The following NCOA1 variants were observed in gnomAD, a reference collection of about 807,000 sequenced individuals.
The protein encoded by NCOA1 is Hin-2 protein.
In NCOA1, 35 loss-of-function variants were observed where a neutral mutation model predicts 150.9. That is an observed-to-expected ratio of 0.23 (90% CI 0.18 to 0.31). The LOEUF is 0.31. Among genes scored for constraint, NCOA1 ranks in the 10% least tolerant of loss-of-function variants. The pLI, the probability that NCOA1 is intolerant of heterozygous loss-of-function variation, is 1.00. For missense variants in NCOA1, 1,491 were observed against 1,749.3 expected (o/e 0.85, Z 2.63); for synonymous variants, 590 against 630.0 (o/e 0.94, Z 0.95).
At chr2:24,500,126 G>T (rs1237149086) in intron 1 of NCOA1, among the ~76,000 whole-genome samples, 1 of 150,840 alleles carries the variant, frequency 6.6e-6, no homozygotes, top group Non-Finnish European at 1.5e-5. Flanking sequence ...CTTTTTTTTT[G>T]AGAAGGAGTT....
chr2:24,672,316 C>T (rs1396877950), intron 6 of NCOA1, among the ~76,000 whole-genome samples: 2 of 152,120 alleles, frequency 1.3e-5, no homozygotes, highest in African/African-American at 2.4e-5. Context: ...AGGCAAATGA[C>T]GTTAACATCT....
intron 21 of NCOA1, among the ~76,000 whole-genome samples, chr2:24,762,002 A>T (rs1664815266): frequency 6.6e-6 from 1 of 152,174 alleles, no homozygotes; most frequent in Non-Finnish European, 1.5e-5. Context: ...TGAGCTTCAG[A>T]CTTGAGGGCC....
At chr2:24,515,790 C>T (rs1664137506) in intron 1 of NCOA1, among the ~76,000 whole-genome samples, 2 of 152,162 alleles carry the variant, frequency 1.3e-5, no homozygotes, top group Admixed American at 1.3e-4. Flanking sequence ...GTAATACTAT[C>T]CCTAAACAAA....
chr2:24,605,623 A>G (rs1171421680), intron 3 of NCOA1, among the ~76,000 whole-genome samples: 2 of 152,172 alleles, frequency 1.3e-5, no homozygotes, highest in Admixed American at 6.5e-5. Flanking sequence ...TGCATATTCA[A>G]TTTCAGATAA....
intron 14 of NCOA1, among the ~76,000 whole-genome samples, chr2:24,723,250 A>C (rs1171109589): frequency 6.6e-6 from 1 of 152,146 alleles, no homozygotes; most frequent in Non-Finnish European, 1.5e-5. Context: ...TTTTCACTTA[A>C]TGTTCTATGG....
intron 1 of NCOA1, among the ~76,000 whole-genome samples, chr2:24,563,149 G>T (rs1429302662): frequency 6.6e-6 from 1 of 152,232 alleles, no homozygotes; most frequent in African/African-American, 2.4e-5. Context: ...TGATGAGAAT[G>T]TAGAGATGAT....
At chr2:24,741,405 C>CT in intron 18 of NCOA1, among the ~76,000 whole-genome samples, 2 of 152,264 alleles carry the variant, frequency 1.3e-5, no homozygotes, top group Middle Eastern at 6.8e-3. Context: ...AGCACATTTT[C>CT]TTTCACTTCC....
At position 24,728,465 on chromosome 2, in the gene NCOA1, A is replaced by C; in HGVS notation, c.2875A>C (p.Lys959Gln). 6.2e-7 allele frequency: 1 copy of C among 1,611,768 alleles called. No homozygotes were observed. The highest frequency in any genetic ancestry group is 1.7e-5 in the Admixed American group (1 of 59,512). The change falls in exon 16 of 23, where the codon AAA (lysine) becomes CAA (glutamine). Residue 959 changes from lysine to glutamine, a missense_variant. Physicochemically the swap from Lys to Gln is moderately conservative, Grantham distance 53. This residue lies in a region of NCOA1 where 485 missense variants were observed against 522.8 expected (regional missense o/e 0.93). Transcript: ENST00000348332. ...ACTAGACAGAGCTCTGGGAATTGAC[A>C]AACTTGTTCAGGTATTTATTAAAGT... is the stretch of plus-strand genomic sequence containing the variant. ...AELDRALGID[K>Q]LVQGGGLDVL... is the part of the protein sequence containing the mutation.
intron 10 of NCOA1, among the ~76,000 whole-genome samples, chr2:24,695,475 T>C (rs1474136346): frequency 6.6e-6 from 1 of 152,158 alleles, no homozygotes; most frequent in African/African-American, 2.4e-5. Flanking sequence ...CACTATACTG[T>C]ACACAGTTAT....
At chr2:24,762,587 C>T in intron 21 of NCOA1, 100 bp from the exon 22 acceptor site, 2 of 994,558 alleles carry the variant, frequency 2.0e-6, no homozygotes, top group Non-Finnish European at 3.1e-6. Flanking sequence ...TTGCTGTGCT[C>T]CTATTACTTT....
At chr2:24,745,324 G>A (rs560529958) in intron 19 of NCOA1, among the ~76,000 whole-genome samples, 2 of 151,940 alleles carry the variant, frequency 1.3e-5, no homozygotes, top group East Asian at 3.9e-4. Flanking sequence ...ACCACGCCCG[G>A]CTAATTTTTT....
chr2:24,575,371 T>C (rs1249368146), intron 2 of NCOA1, among the ~76,000 whole-genome samples: 2 of 152,148 alleles, frequency 1.3e-5, no homozygotes, highest in Non-Finnish European at 2.9e-5. Context: ...CTTTTTCTGC[T>C]TTCTTGAATG....
Position 24,697,668 on chromosome 2 carries a change from C to G in NCOA1, c.819C>G (p.Ile273Met). 1 of 1,610,648 alleles carries G rather than the reference C, an allele frequency of 6.2e-7. No individual in the cohort carries two copies. Among genetic ancestry groups the G allele is most frequent in the Non-Finnish European group, 8.5e-7 (1 of 1,177,292 alleles). The change falls in exon 11 of 23, where the codon ATC becomes ATG. Residue 273 changes from isoleucine to methionine, a missense_variant. By Grantham distance (10) the Ile-to-Met change is conservative. Transcript: ENST00000348332. ...TCATTCTTTGTACAGGTAAAATCAT[C>G]TCTATTGATACTAGTTCCCTGAGAG... ...MTKQDTTGKI[I>M]SIDTSSLRAA...
chr2:24,547,988 C>CAAAAAAAAAA lies in NCOA1; in HGVS notation c.-395-16296_-395-16287dup, dbSNP rs34669959. On this transcript the variant is annotated intron_variant, in intron 1 of 22. Transcript: ENST00000348332. ...TGGGCAACAGAGTGAGACTCTGTCT[C>CAAAAAAAAAA]AAAAAAAAAAAAAAAAAAAAGGATG... 1.9e-3 allele frequency among the ~76,000 whole-genome samples: 142 copies of CAAAAAAAAAA among 74,890 alleles called. 2 individuals are homozygous for CAAAAAAAAAA. The highest frequency in any genetic ancestry group is 2.8e-3 in the Non-Finnish European group (117 of 41,822). The allele number at this position is 74,890 out of a possible 152,430, so 49.1% of individuals were successfully genotyped here. A position where few individuals can be genotyped will look rare whatever the true frequency, so the allele number is the denominator to read the frequency against.
chr2:24,758,969 A>C (rs879362739), intron 21 of NCOA1, among the ~76,000 whole-genome samples: 2 of 152,190 alleles, frequency 1.3e-5, no homozygotes, highest in Non-Finnish European at 2.9e-5. Context: ...AGCCTGGGCA[A>C]CAGAGCAAGA....
chr2:24,600,834 A>G (rs1198446723), intron 3 of NCOA1, among the ~76,000 whole-genome samples: 3 of 152,184 alleles, frequency 2.0e-5, no homozygotes, highest in Non-Finnish European at 4.4e-5. Flanking sequence ...GATTGCATTC[A>G]TAGCAATTTA....
chr2:24,668,897 T>C (rs568207256), intron 6 of NCOA1, among the ~76,000 whole-genome samples: 6 of 152,006 alleles, frequency 3.9e-5, no homozygotes, highest in Non-Finnish European at 8.8e-5. Flanking sequence ...AATTAAACTA[T>C]ACGTAAGATC....
At chr2:24,608,704 G>GTTTTTTTTTTTTTTTTTTTTTTTTTT (rs56710627) in intron 3 of NCOA1, among the ~76,000 whole-genome samples, 2 of 117,334 alleles carry the variant, frequency 1.7e-5, no homozygotes, top group Non-Finnish European at 3.5e-5. Flanking sequence ...TTGTTGTTGT[G>GTTTTTTTTTTTTTTTTTTTTTTTTTT]TTTTTTTTTT....
At position 24,564,322 on chromosome 2, in the gene NCOA1, T is replaced by C. The variant is rs1375932632; in HGVS notation, c.-368T>C. On this transcript the variant is annotated 5_prime_UTR_variant, in exon 2 of 23. Transcript: ENST00000348332. ...CTATCCATACTAATGGAAATGTAAC[T>C]GGAACTGACTCTGATGATAAAATCA... 6.6e-6 allele frequency: 1 copy of C among 152,174 alleles called. No homozygotes were observed. Among genetic ancestry groups the C allele is most frequent in the Non-Finnish European group, 1.5e-5 (1 of 68,034 alleles). The allele number at this position is 152,174 out of a possible 1,614,324, so 9.4% of individuals were successfully genotyped here.
Sources: allele counts gnomAD v4.1 joint callset (sites outside exome capture counted in the v4.1 genomes callset), GRCh38; gene constraint gnomAD v4.1.1; regional missense constraint gnomAD v4.1.1; transcripts MANE v1.5; gene names NCBI Gene and HGNC (gene_info 2026-07-23, HGNC 2026-07-21).